LCOR: variants seen among roughly 807,000 people sequenced by gnomAD.
LCOR encodes ligand dependent nuclear receptor corepressor, also known as ligand-dependent corepressor.
Under a neutral mutation model 64.4 loss-of-function variants are expected in LCOR, and 14 were observed. The observed-to-expected ratio is 0.22, with a 90% CI of 0.14 to 0.34. The LOEUF (loss-of-function observed/expected upper bound fraction) is 0.34, where lower values mean the gene tolerates loss of function less well. Among genes scored for constraint, LCOR ranks in the 10% least tolerant of loss-of-function variants. The pLI is 1.00. For synonymous variants in LCOR, 643 were observed against 642.5 expected (o/e 1.00, Z -0.01); for missense variants, 1,686 against 1,765.3 (o/e 0.96, Z 0.80).
At chr10:96,856,493 A>C (rs1451526166) in intron 2 of LCOR, among the ~76,000 whole-genome samples, 1 of 105,868 alleles carries the variant, frequency 9.4e-6, no homozygotes, top group Non-Finnish European at 1.8e-5. Flanking sequence ...TCCTTCCTTT[A>C]TTTCTCTCTC....
At chr10:96,835,781 G>A (rs994976293) in intron 2 of LCOR, among the ~76,000 whole-genome samples, 3 of 152,058 alleles carry the variant, frequency 2.0e-5, no homozygotes, top group African/African-American at 7.2e-5. Flanking sequence ...TACTTTTTTG[G>A]AGGGTGTGGG....
Position 96,944,133 on chromosome 10 carries a change from T to A in LCOR, c.-163T>A. The A allele has an allele frequency of 1.0e-6, 1 of 985,754 alleles. No homozygotes were observed. The highest frequency in any genetic ancestry group is 1.2e-6 in the Non-Finnish European group (1 of 829,908). The allele number at this position is 985,754 out of a possible 1,614,324, so 61.1% of individuals were successfully genotyped here. On this transcript the variant is annotated 5_prime_UTR_variant, in exon 5 of 8. An upstream start codon of the reference 5' UTR is lost. Coordinates refer to ENST00000421806, the MANE Select transcript of LCOR (RefSeq NM_001346516.2). ...TGCAGGGACACTTAGTCGGTCTGGA[T>A]GAACCAGCTTCGGGAGCTGGGCAAG...
chr10:96,870,951 A>G (rs1021748337), intron 2 of LCOR, among the ~76,000 whole-genome samples: 1 of 152,216 alleles, frequency 6.6e-6, no homozygotes, highest in Non-Finnish European at 1.5e-5. Context: ...AACTGGTACT[A>G]TATCAGTCGG....
intron 4 of LCOR, among the ~76,000 whole-genome samples, chr10:96,938,161 G>C (rs1847385361): frequency 6.6e-6 from 1 of 151,172 alleles, no homozygotes; most frequent in Admixed American, 6.6e-5. Flanking sequence ...GTCTCCCTAT[G>C]TTGCCCAGGC....
chr10:96,916,354 C>A (rs987979909), intron 4 of LCOR, among the ~76,000 whole-genome samples: 2 of 151,756 alleles, frequency 1.3e-5, no homozygotes, highest in Admixed American at 6.6e-5. Context: ...ATATTAACAG[C>A]AAGCAGATGA....
Position 96,897,096 on chromosome 10 carries a change from A to AG in LCOR, c.-329-10169_-329-10168insG, listed in dbSNP as rs202104952. Among the ~76,000 whole-genome samples, 4 of 147,670 alleles carry AG rather than the reference A, an allele frequency of 2.7e-5. No individual in the cohort carries two copies. The South Asian group carries it at 6.3e-4, about 23-fold the overall frequency. ...GAGAAAGAGAAAGAGAAAGAGAAAG[A>AG]AAAGCAAAAAAAAAAAAAAAACCCA... On this transcript the variant is annotated intron_variant, in intron 2 of 7. Transcript: ENST00000421806.
chr10:96,926,139 G>A (rs1166834921), intron 4 of LCOR, among the ~76,000 whole-genome samples: 2 of 152,268 alleles, frequency 1.3e-5, no homozygotes, highest in African/African-American at 4.8e-5. Context: ...GGTTCCTTTG[G>A]TGAGGAATTG....
intron 2 of LCOR, among the ~76,000 whole-genome samples, chr10:96,880,040 G>T (rs986846482): frequency 6.6e-6 from 1 of 152,200 alleles, no homozygotes; most frequent in South Asian, 2.1e-4. Flanking sequence ...TGGATTAAGG[G>T]TGTTTCATAT....
chr10:96,876,727 T>G (rs1846170508), intron 2 of LCOR, among the ~76,000 whole-genome samples: 1 of 152,170 alleles, frequency 6.6e-6, no homozygotes, highest in African/African-American at 2.4e-5. Context: ...TTCGCTCTTG[T>G]TGCCCAGGCT....
At chr10:96,922,616 A>C (rs1187831436) in intron 4 of LCOR, among the ~76,000 whole-genome samples, 2 of 152,226 alleles carry the variant, frequency 1.3e-5, no homozygotes, top group African/African-American at 4.8e-5. Flanking sequence ...TGGGAGTAGT[A>C]TAAACTTTGA....
intron 2 of LCOR, among the ~76,000 whole-genome samples, chr10:96,873,036 CAGAT>C (rs937454159): frequency 6.6e-6 from 1 of 151,558 alleles, no homozygotes; most frequent in Non-Finnish European, 1.5e-5. Flanking sequence ...TGCATAGACA[CAGAT>C]AGGGTGAGCA....
At position 96,982,493 on chromosome 10, in the gene LCOR, C is replaced by T. The variant is rs762316678; in HGVS notation, c.2033C>T (p.Ser678Phe). 6.2e-7 allele frequency: 1 copy of T among 1,614,198 alleles called. No individual in the cohort carries two copies. Residue 678 changes from serine to phenylalanine, a missense_variant, in exon 8 of 8, where the codon TCC becomes TTC. Physicochemically the swap from Ser to Phe is radical, Grantham distance 155 (BLOSUM62 -2). Around this residue, in one of 3 missense-constraint regions of LCOR, gnomAD observed 1,293 missense variants for 1,410.4 expected, o/e 0.92. Transcript: ENST00000421806. ...CHLLPSTESFSGGVSEDVISR... is the reference protein window; with the variant it reads ...CHLLPSTESFFGGVSEDVISR... ...CTCCTTCCCTCCACTGAAAGCTTTT[C>T]CGGGGGAGTCAGTGAAGATGTCATT...
chr10:96,848,463 G>C (rs1354408353), intron 2 of LCOR, among the ~76,000 whole-genome samples: 1 of 152,190 alleles, frequency 6.6e-6, no homozygotes, highest in Non-Finnish European at 1.5e-5. Flanking sequence ...TTGGAGACCA[G>C]CCTGACCAAC....
chr10:96,955,153 C>T lies in LCOR; in HGVS notation c.332+2957C>T. 1.2e-6 allele frequency: 2 copies of T among 1,614,160 alleles called. 1 individual carries two copies. Among genetic ancestry groups the T allele is most frequent in the East Asian group, 4.5e-5 (2 of 44,874 alleles). ...TCCACAGCTGCCAGCCTTGGGCCATCTGGATTACAGAATCATGGACAACAC... is the reference window on the plus strand; with the variant it reads ...TCCACAGCTGCCAGCCTTGGGCCATTTGGATTACAGAATCATGGACAACAC... On this transcript the variant is annotated intron_variant, in intron 7 of 7. Transcript: ENST00000421806.
intron 7 of LCOR, among the ~76,000 whole-genome samples, chr10:96,970,092 T>G (rs1012731490): frequency 2.0e-5 from 3 of 149,910 alleles, no homozygotes; most frequent in Admixed American, 6.6e-5. Context: ...TGCCCAACCT[T>G]TAACAACTAT....
At position 96,984,987 on chromosome 10, in the gene LCOR, A is replaced by G; in HGVS notation, c.4527A>G (p.Lys1509=). 6.2e-7 allele frequency: 1 copy of G among 1,614,216 alleles called. No individual in the cohort carries two copies. Among genetic ancestry groups the G allele is most frequent in the South Asian group, 1.1e-5 (1 of 91,086 alleles). ...GAGESSSRPQ[K]ATNRKQSSGK... ...GTGAATCCTCTTCAAGGCCTCAGAA[A>G]GCCACGAATAGGAAGCAGAGTAGTG... The change falls in exon 8 of 8, where the codon AAA becomes AAG. Residue 1509 remains lysine (K), a synonymous_variant. Coordinates refer to ENST00000421806, the MANE Select transcript of LCOR (RefSeq NM_001346516.2).
rs773579560 is a variant in LCOR at position 96,955,945 on chromosome 10, C to G, written c.332+3749C>G. The G allele has an allele frequency of 1.5e-5, 24 of 1,593,868 alleles. No homozygotes were observed. The South Asian group carries it at 2.7e-4, about 18-fold the overall frequency. On this transcript the variant is annotated intron_variant, in intron 7 of 7. Coordinates refer to ENST00000421806, the MANE Select transcript of LCOR (RefSeq NM_001346516.2). The stretch of plus-strand genomic sequence containing the variant: ...TAGGAATACTGTAGAGTGCCAATTA[C>G]TGTACAAACTGGGTGAGCACTACTG...
chr10:96,972,896 A>G (rs901183391), intron 7 of LCOR, among the ~76,000 whole-genome samples: 4 of 152,190 alleles, frequency 2.6e-5, no homozygotes, highest in African/African-American at 4.8e-5. Context: ...TAGCAATTAC[A>G]AAGGGATTGC....
intron 4 of LCOR, among the ~76,000 whole-genome samples, chr10:96,940,125 A>G (rs1338163329): frequency 6.6e-6 from 1 of 152,222 alleles, no homozygotes; most frequent in Non-Finnish European, 1.5e-5. Flanking sequence ...GGTATAATAA[A>G]AAAGATAACA....
Sources: allele counts gnomAD v4.1 joint callset (sites outside exome capture counted in the v4.1 genomes callset), GRCh38; gene constraint gnomAD v4.1.1; regional missense constraint gnomAD v4.1.1; transcripts MANE v1.5; gene names NCBI Gene and HGNC (gene_info 2026-07-23, HGNC 2026-07-21).